The following GDAP1 variants were observed in gnomAD, a reference collection of about 807,000 sequenced individuals.
The protein encoded by GDAP1 is ganglioside-induced differentiation-associated protein 1.
A neutral mutation model predicts 40.1 loss-of-function variants in GDAP1; 34 were observed. The ratio of observed to expected loss-of-function variants is 0.85; its 90% confidence interval spans 0.64 to 1.13. GDAP1 has a LOEUF of 1.13. Ranked by LOEUF, GDAP1 falls within the 50% of genes most tolerant of loss-of-function variation. The pLI is 0.00. For missense variants in GDAP1, 374 were observed against 433.7 expected (o/e 0.86, Z 1.22); for synonymous variants, 170 against 157.4 (o/e 1.08, Z -0.60).
At chr8:74,418,437 ATAT>A (rs1805812674) in intron 2 of GDAP1, among the ~76,000 whole-genome samples, 1 of 152,248 alleles carries the variant, frequency 6.6e-6, no homozygotes, top group African/African-American at 2.4e-5. Flanking sequence ...TTTAGCAGAG[ATAT>A]TATAATGTTT....
At chr8:74,471,313 A>C (rs1055074545) in intron 2 of GDAP1, among the ~76,000 whole-genome samples, 2 of 151,960 alleles carry the variant, frequency 1.3e-5, no homozygotes, top group African/African-American at 4.8e-5. Flanking sequence ...GCCCGCTTTT[A>C]AAATAATTTT....
At chr8:74,413,065 CAAAAAA>C (rs71269990) in intron 2 of GDAP1, among the ~76,000 whole-genome samples, 2 of 57,156 alleles carry the variant, frequency 3.5e-5, no homozygotes, top group African/African-American at 9.5e-5. Flanking sequence ...GACTCTGTCT[CAAAAAA>C]AAAAAAAAAA....
At chr8:74,357,831 A>G (rs1347247424) in intron 2 of GDAP1, among the ~76,000 whole-genome samples, 1 of 152,176 alleles carries the variant, frequency 6.6e-6, no homozygotes, top group Admixed American at 6.5e-5. Flanking sequence ...CTGAGAAAAA[A>G]ATTCTTGCTT....
rs887163849 is a variant in GDAP1, at chr8:74,416,523, A to C, written c.165+65202A>C. On this transcript the variant is annotated intron_variant, in intron 2 of 2. Coordinates refer to the GDAP1 transcript ENST00000523640. Reference sequence around the variant, plus strand: ...AGGAGGTCCTGAGTCTGTTCTGTCCACATGACTAGTTCGTTACTACTACAA... The same window carrying C: ...AGGAGGTCCTGAGTCTGTTCTGTCCCCATGACTAGTTCGTTACTACTACAA... Among the ~76,000 whole-genome samples, 2 of 150,308 alleles carry C rather than the reference A, an allele frequency of 1.3e-5. 1 individual carries two copies. Among genetic ancestry groups the C allele is most frequent in the African/African-American group, 5.1e-5 (2 of 39,590 alleles).
chr8:74,372,480 A>G (rs1174816167), intron 2 of GDAP1, among the ~76,000 whole-genome samples: 1 of 152,160 alleles, frequency 6.6e-6, no homozygotes, highest in Non-Finnish European at 1.5e-5. Context: ...GTGAGATGGT[A>G]TCTCATTGTG....
chr8:74,460,791 AAG>A (rs1441437094), intron 2 of GDAP1, among the ~76,000 whole-genome samples: 3 of 145,194 alleles, frequency 2.1e-5, no homozygotes, highest in South Asian at 2.1e-4. Context: ...TATACAGAGA[AAG>A]AGAGAGAGAA....
At chr8:74,401,399 T>C (rs1360917207) in intron 2 of GDAP1, among the ~76,000 whole-genome samples, 3 of 150,014 alleles carry the variant, frequency 2.0e-5, no homozygotes, top group Admixed American at 6.6e-5. Flanking sequence ...GGCTTTCAGC[T>C]CCGTCAGCTC....
intron 2 of GDAP1, among the ~76,000 whole-genome samples, chr8:74,468,564 T>C (rs1468566169): frequency 6.6e-6 from 1 of 151,802 alleles, no homozygotes; most frequent in East Asian, 1.9e-4. Context: ...TATAGGTTGC[T>C]AATTGCTAAT....
At chr8:74,422,484 C>T (rs1172260687) in intron 2 of GDAP1, among the ~76,000 whole-genome samples, 1 of 133,130 alleles carries the variant, frequency 7.5e-6, no homozygotes, top group African/African-American at 3.1e-5. Context: ...CTCCCTCCCT[C>T]CCTCCTTTCT....
rs575326973 is a variant in GDAP1 at position 74,398,886 on chromosome 8, G to A, written c.165+47565G>A. Among the ~76,000 whole-genome samples, 641 of 152,062 alleles carry A rather than the reference G, an allele frequency of 4.2e-3. 4 individuals carry two copies. Among genetic ancestry groups the A allele is most frequent in the Middle Eastern group, 0.014 (4 of 294 alleles). On this transcript the variant is annotated intron_variant, in intron 2 of 2. Transcript: ENST00000523640. ...GCGTATATTGAACCAGCCTTGCATC[G>A]CAGGGATGAAGCCCACTTGATCATG...
intron 2 of GDAP1, among the ~76,000 whole-genome samples, chr8:74,384,846 C>A (rs1010686420): frequency 2.0e-5 from 3 of 152,170 alleles, no homozygotes; most frequent in African/African-American, 7.2e-5. Flanking sequence ...GCAGTTACTA[C>A]AACTATGCCC....
intron 1 of GDAP1, 59 bp downstream of exon 1, chr8:74,350,637 T>A: frequency 9.7e-7 from 1 of 1,029,160 alleles, no homozygotes; most frequent in Non-Finnish European, 1.5e-6. Context: ...CTGGGACAGC[T>A]CCTTCTGAGT....
intron 2 of GDAP1, among the ~76,000 whole-genome samples, chr8:74,426,984 CCCTTCTTTGCAT>C (rs1401586210): frequency 6.6e-6 from 1 of 152,196 alleles, no homozygotes; most frequent in Non-Finnish European, 1.5e-5. Flanking sequence ...TTATAAATCA[CCCTTCTTTGCAT>C]CCGTACCTGT....
chr8:74,467,561 G>A (rs1806486339), intron 2 of GDAP1, among the ~76,000 whole-genome samples: 1 of 152,192 alleles, frequency 6.6e-6, no homozygotes, highest in African/African-American at 2.4e-5. Flanking sequence ...AGTGCAATCA[G>A]TAGGGCCTGG....
chr8:74,416,937 T>TG (rs1438842556), intron 2 of GDAP1, among the ~76,000 whole-genome samples: 2 of 147,686 alleles, frequency 1.4e-5, no homozygotes, highest in East Asian at 1.9e-4. Flanking sequence ...TTGTTTTTTT[T>TG]TTTTTTAACA....
At chr8:74,400,491 C>G (rs889347883) in intron 2 of GDAP1, among the ~76,000 whole-genome samples, 21 of 149,738 alleles carry the variant, frequency 1.4e-4, no homozygotes, top group Non-Finnish European at 2.8e-4. Flanking sequence ...ACTGATGGGT[C>G]TTGACTCTTT....
chr8:74,424,245 A>G (rs552832715), intron 2 of GDAP1, among the ~76,000 whole-genome samples: 1 of 152,296 alleles, frequency 6.6e-6, no homozygotes, highest in African/African-American at 2.4e-5. Flanking sequence ...AATGACAAGA[A>G]AAAGAGTCCA....
intron 2 of GDAP1, among the ~76,000 whole-genome samples, chr8:74,413,500 CT>C (rs2131555007): frequency 6.7e-6 from 1 of 149,780 alleles, no homozygotes; most frequent in South Asian, 2.1e-4. Flanking sequence ...TATTTTTCTA[CT>C]GAGAATTAGA....
chr8:74,481,389 T>C (rs1306407110), intron 2 of GDAP1, among the ~76,000 whole-genome samples: 1 of 152,230 alleles, frequency 6.6e-6, no homozygotes, highest in African/African-American at 2.4e-5. Context: ...ATAGACAATA[T>C]ATCATTCCTG....
Sources: allele counts gnomAD v4.1 joint callset (sites outside exome capture counted in the v4.1 genomes callset), GRCh38; gene constraint gnomAD v4.1.1; transcripts MANE v1.5; gene names NCBI Gene and HGNC (gene_info 2026-07-23, HGNC 2026-07-21).